The following ATP8A2 variants were observed in gnomAD, a reference collection of about 807,000 sequenced individuals.
ATP8A2 encodes the protein phospholipid-transporting ATPase IB.
A neutral mutation model predicts 165.6 loss-of-function variants in ATP8A2; 100 were observed. The ratio of observed to expected loss-of-function variants is 0.60; its 90% CI spans 0.51 to 0.71. The LOEUF (loss-of-function observed/expected upper bound fraction) is 0.71. Among genes scored for constraint, ATP8A2 ranks in the 30% least tolerant of loss-of-function variants. The pLI, the probability that ATP8A2 is intolerant of heterozygous loss-of-function variation, is 0.00. For missense variants in ATP8A2, 1,227 were observed against 1,479.5 expected (o/e 0.83, Z 2.80); for synonymous variants, 543 against 548.8 (o/e 0.99, Z 0.15).
intron 25 of ATP8A2, among the ~76,000 whole-genome samples, chr13:25,764,810 C>A (rs1218675951): frequency 6.6e-6 from 1 of 152,152 alleles, no homozygotes; most frequent in Non-Finnish European, 1.5e-5. Context: ...CTAGGGGGTT[C>A]CTGGGTGGAG....
intron 2 of ATP8A2, among the ~76,000 whole-genome samples, chr13:25,480,513 A>C (rs1210435958): frequency 2.1e-5 from 3 of 145,026 alleles, no homozygotes; most frequent in Non-Finnish European, 3.0e-5. Flanking sequence ...CTCACATCCC[A>C]GACGGGGCGG....
At chr13:25,681,605 A>G (rs2042489813) in intron 24 of ATP8A2, among the ~76,000 whole-genome samples, 12 of 152,202 alleles carry the variant, frequency 7.9e-5, no homozygotes, top group Admixed American at 6.5e-4. Flanking sequence ...CTGCTCCCAC[A>G]ATAACAAAAA....
intron 24 of ATP8A2, chr13:25,591,202 G>C: frequency 2.2e-6 from 1 of 450,364 alleles, no homozygotes; most frequent in African/African-American, 2.0e-5. Context: ...CAGTTCAGTG[G>C]CATTAAGTAT....
At chr13:25,646,258 T>C (rs1387712737) in intron 24 of ATP8A2, among the ~76,000 whole-genome samples, 1 of 152,176 alleles carries the variant, frequency 6.6e-6, no homozygotes, top group East Asian at 1.9e-4. Flanking sequence ...GCTTTCCATT[T>C]GAGTGAAATA....
chr13:25,423,401 G>A (rs548001265), intron 1 of ATP8A2, among the ~76,000 whole-genome samples: 2 of 152,266 alleles, frequency 1.3e-5, no homozygotes, highest in South Asian at 2.1e-4. Flanking sequence ...TAGGATGTCT[G>A]GCTTTTACAA....
intron 13 of ATP8A2, among the ~76,000 whole-genome samples, chr13:25,557,499 C>A (rs558521355): frequency 6.6e-6 from 1 of 152,248 alleles, no homozygotes; most frequent in South Asian, 2.1e-4. Context: ...GAACTCTTCT[C>A]CAGTTTTCCG....
In ATP8A2 at chr13:26,022,823, A is replaced by C. The variant is rs1957101429; in HGVS notation, c.*2838A>C. On this transcript the variant is annotated 3_prime_UTR_variant, in exon 37 of 37. Transcript: ENST00000381655. ...GGGCTTGTCACTCCGCCAGACACTC[A>C]CTGACTCACGGGCTGGCAGGTCACG... 1 of 152,296 alleles carries C rather than the reference A, an allele frequency of 6.6e-6. No individual in the cohort carries two copies. Among genetic ancestry groups the C allele is most frequent in the African/African-American group, 2.4e-5 (1 of 41,450 alleles). The allele number at this position is 152,296 out of a possible 1,614,324, so 9.4% of individuals were successfully genotyped here.
intron 32 of ATP8A2, 71 bp from the exon 33 acceptor site, chr13:25,862,230 A>C: frequency 9.5e-7 from 1 of 1,057,714 alleles, no homozygotes; most frequent in Non-Finnish European, 1.5e-6. Flanking sequence ...AGGATTCTGC[A>C]GCAAGTGGAG....
intron 25 of ATP8A2, among the ~76,000 whole-genome samples, chr13:25,709,341 G>A (rs1453820107): frequency 6.6e-6 from 1 of 152,206 alleles, no homozygotes; most frequent in African/African-American, 2.4e-5. Flanking sequence ...AAAACTGCCT[G>A]TCAATCATTT....
chr13:25,730,934 G>C (rs544537341), intron 25 of ATP8A2, among the ~76,000 whole-genome samples: 2 of 151,772 alleles, frequency 1.3e-5, no homozygotes, highest in African/African-American at 4.8e-5. Context: ...AATTAGCCAG[G>C]TTGGCGGCAC....
intron 35 of ATP8A2, among the ~76,000 whole-genome samples, chr13:25,992,375 T>C (rs1017891802): frequency 6.6e-6 from 1 of 152,156 alleles, no homozygotes; most frequent in African/African-American, 2.4e-5. Flanking sequence ...CGTCTTTTCA[T>C]GGCCTTTGAC....
intron 24 of ATP8A2, among the ~76,000 whole-genome samples, chr13:25,687,716 G>T (rs1207644110): frequency 6.6e-6 from 1 of 151,892 alleles, no homozygotes; most frequent in Non-Finnish European, 1.5e-5. Context: ...TTCCTCTCTG[G>T]TCCTCTCACC....
intron 10 of ATP8A2, among the ~76,000 whole-genome samples, chr13:25,543,615 G>A (rs999111007): frequency 1.5e-4 from 23 of 152,142 alleles, no homozygotes; most frequent in Admixed American, 1.3e-3. Context: ...AACTACAAAT[G>A]GTCTTTGTTT....
At chr13:25,911,354 A>G (rs772237861) in intron 33 of ATP8A2, among the ~76,000 whole-genome samples, 15 of 152,180 alleles carry the variant, frequency 9.9e-5, no homozygotes, top group African/African-American at 1.4e-4. Context: ...ACTCCATAAT[A>G]CAGCATGGCA....
At chr13:25,607,703 T>C (rs2040554332) in intron 24 of ATP8A2, among the ~76,000 whole-genome samples, 1 of 152,244 alleles carries the variant, frequency 6.6e-6, no homozygotes, top group Non-Finnish European at 1.5e-5. Flanking sequence ...ACAGTGTTTT[T>C]AAAAATGTTA....
chr13:25,410,783 T>G (rs1338746191), intron 1 of ATP8A2, among the ~76,000 whole-genome samples: 2 of 152,228 alleles, frequency 1.3e-5, no homozygotes, highest in Non-Finnish European at 2.9e-5. Context: ...CTTGGGAATT[T>G]CTCTGTTGGC....
At chr13:25,634,657 G>A (rs1290812551) in intron 24 of ATP8A2, among the ~76,000 whole-genome samples, 2 of 152,066 alleles carry the variant, frequency 1.3e-5, no homozygotes, top group Non-Finnish European at 1.5e-5. Flanking sequence ...ATGTATCTTA[G>A]TTTGTCTCTG....
At chr13:25,995,427 A>T (rs1025290905) in intron 35 of ATP8A2, among the ~76,000 whole-genome samples, 4 of 151,488 alleles carry the variant, frequency 2.6e-5, no homozygotes, top group Admixed American at 6.6e-5. Context: ...TTTTTTTAAT[A>T]TATAGATTAA....
chr13:25,460,144 T>C (rs554669673), intron 1 of ATP8A2, among the ~76,000 whole-genome samples: 3 of 152,260 alleles, frequency 2.0e-5, no homozygotes, highest in South Asian at 4.1e-4. Flanking sequence ...GAGGTTGCAG[T>C]GAGCCGAGAT....
Sources: gnomAD v4.1 joint callset for allele counts (sites outside exome capture counted in the v4.1 genomes callset) on GRCh38, gnomAD v4.1.1 for gene constraint, MANE v1.5 for transcripts, NCBI Gene and HGNC (gene_info 2026-07-23, HGNC 2026-07-21) for gene names.